The following DPP6 variants were observed in gnomAD, a reference collection of about 807,000 sequenced individuals.
The protein encoded by DPP6 is A-type potassium channel modulatory protein DPP6.
Under a neutral mutation model 122.6 loss-of-function variants are expected in DPP6, and 69 were observed. That is an observed-to-expected ratio of 0.56 (90% CI 0.46 to 0.69). DPP6 has a LOEUF of 0.69. DPP6 is among the 30% of genes least tolerant of loss of function. The pLI, the probability that DPP6 is intolerant of heterozygous loss-of-function variation, is 0.00. For synonymous variants in DPP6, 418 were observed against 433.1 expected (o/e 0.97, Z 0.43); for missense variants, 928 against 1,116.9 (o/e 0.83, Z 2.41).
At chr7:153,754,198 A>G in the DPP6 span, among the ~76,000 whole-genome samples, 1 of 152,190 alleles carries the variant, frequency 6.6e-6, no homozygotes, top group South Asian at 2.1e-4. Flanking sequence ...AAAAGGATTA[A>G]TCAGCTAAAA....
At chr7:154,004,001 C>T (rs928416942) in intron 1 of DPP6, among the ~76,000 whole-genome samples, 18 of 152,172 alleles carry the variant, frequency 1.2e-4, no homozygotes, top group Admixed American at 1.1e-3. Flanking sequence ...GAATTGAGGC[C>T]GTTAGTGCAA....
chr7:154,493,701 C>T (rs1824483580), intron 3 of DPP6, among the ~76,000 whole-genome samples: 1 of 152,110 alleles, frequency 6.6e-6, no homozygotes, highest in Non-Finnish European at 1.5e-5. Flanking sequence ...TGTTATTTGG[C>T]TTTCGTGAAC....
intron 19 of DPP6, among the ~76,000 whole-genome samples, chr7:154,874,499 G>A (rs968831171): frequency 2.0e-5 from 3 of 152,192 alleles, no homozygotes; most frequent in African/African-American, 7.2e-5. Context: ...AAGGAGATCT[G>A]GAGTCCCTGA....
intron 1 of DPP6, among the ~76,000 whole-genome samples, chr7:154,139,987 A>C (rs1795763037): frequency 6.6e-6 from 1 of 152,192 alleles, no homozygotes. Flanking sequence ...AGTGCCCCAC[A>C]AAATTTAAAG....
chr7:154,552,275 A>G (rs1259619382), intron 4 of DPP6, among the ~76,000 whole-genome samples: 1 of 152,200 alleles, frequency 6.6e-6, no homozygotes, highest in Non-Finnish European at 1.5e-5. Flanking sequence ...TCACTAAGGA[A>G]AAGTGCTTTC....
At chr7:154,719,812 G>C (rs1841701109) in intron 7 of DPP6, among the ~76,000 whole-genome samples, 1 of 152,196 alleles carries the variant, frequency 6.6e-6, no homozygotes, top group South Asian at 2.1e-4. Flanking sequence ...GGAGTCTTCT[G>C]AGGCTGTGCC....
intron 10 of DPP6, among the ~76,000 whole-genome samples, chr7:154,781,915 T>C (rs1005777913): frequency 6.6e-6 from 1 of 152,378 alleles, no homozygotes; most frequent in South Asian, 2.1e-4. Context: ...GACAATGCTC[T>C]ATTAATATTT....
intron 1 of DPP6, among the ~76,000 whole-genome samples, chr7:154,438,392 C>A (rs910299528): frequency 1.7e-4 from 24 of 137,438 alleles, no homozygotes; most frequent in Admixed American, 1.5e-3. Context: ...ACGGCGTGAA[C>A]CCAGGAGGCG....
chr7:154,748,227 G>A (rs1587009865), intron 8 of DPP6, among the ~76,000 whole-genome samples: 1 of 152,302 alleles, frequency 6.6e-6, no homozygotes, highest in Admixed American at 6.5e-5. Flanking sequence ...TTGGGAGTCG[G>A]CTTGCTCCTC....
chr7:153,821,757 T>C, the DPP6 span, among the ~76,000 whole-genome samples: 1 of 144,230 alleles, frequency 6.9e-6, no homozygotes, highest in Non-Finnish European at 1.5e-5. Flanking sequence ...AACCTGAGTA[T>C]TTTAATGCAG....
chr7:153,897,176 G>C (rs938411018), intron 1 of DPP6, among the ~76,000 whole-genome samples: 3 of 152,202 alleles, frequency 2.0e-5, no homozygotes, highest in Non-Finnish European at 1.5e-5. Context: ...CTAAGATTTT[G>C]AGAGAGTATA....
upstream of DPP6, among the ~76,000 whole-genome samples, chr7:153,884,672 T>C (rs187427369): frequency 3.5e-4 from 53 of 152,230 alleles, no homozygotes; most frequent in African/African-American, 1.2e-3. Flanking sequence ...ACTATAAAAA[T>C]AGAAGGTTAA....
In DPP6 at chr7:154,602,596, T is replaced by G. The variant is rs1005788404; in HGVS notation, c.628-35225T>G. Among the ~76,000 whole-genome samples, 4 of 118,156 alleles carry G rather than the reference T, an allele frequency of 3.4e-5. 1 individual carries two copies. Among genetic ancestry groups the G allele is most frequent in the Admixed American group, 1.9e-4 (2 of 10,444 alleles). 77.5% of individuals were successfully genotyped at this position (118,156 alleles called of 152,430 possible). On this transcript the variant is annotated intron_variant, in intron 5 of 25. Transcript: ENST00000377770. ...CCCACCATCATGCCTGGCTAATTTT[T>G]TGTGTGTGTGTTTTTGTAGAGACAG...
chr7:153,811,532 T>C, the DPP6 span, among the ~76,000 whole-genome samples: 1 of 152,230 alleles, frequency 6.6e-6, no homozygotes, highest in Non-Finnish European at 1.5e-5. Context: ...TTGTCACTTC[T>C]TCAGGGACCC....
chr7:154,050,017 C>G (rs555036274), upstream of DPP6, among the ~76,000 whole-genome samples: 1 of 152,302 alleles, frequency 6.6e-6, no homozygotes, highest in South Asian at 2.1e-4. Context: ...TCGTGTTCAT[C>G]CATGCTGTTT....
At chr7:154,867,906 G>A in intron 17 of DPP6, 89 bp from the exon 18 acceptor site, 2 of 1,436,478 alleles carry the variant, frequency 1.4e-6, no homozygotes, top group Non-Finnish European at 9.2e-7. Context: ...GATGAAAGCA[G>A]CAGTTACGCA....
At chr7:154,542,672 G>C (rs758841813) in intron 4 of DPP6, among the ~76,000 whole-genome samples, 5 of 152,056 alleles carry the variant, frequency 3.3e-5, no homozygotes, top group Admixed American at 1.3e-4. Context: ...TCCTTAAAAT[G>C]TCACTTTTCC....
intron 16 of DPP6, among the ~76,000 whole-genome samples, chr7:154,836,015 GC>G (rs1801020328): frequency 6.6e-6 from 1 of 152,208 alleles, no homozygotes; most frequent in Admixed American, 6.5e-5. Flanking sequence ...CCTGTAATGA[GC>G]ACCTCAGGCA....
chr7:154,358,292 G>A (rs558341705), intron 1 of DPP6, among the ~76,000 whole-genome samples: 2 of 152,298 alleles, frequency 1.3e-5, no homozygotes, highest in East Asian at 3.9e-4. Flanking sequence ...TTAGGACCTC[G>A]CTGTGGCCTT....
Sources: allele counts gnomAD v4.1 joint callset (sites outside exome capture counted in the v4.1 genomes callset), GRCh38; gene constraint gnomAD v4.1.1; transcripts MANE v1.5; gene names NCBI Gene and HGNC (gene_info 2026-07-23, HGNC 2026-07-21).